The following ANKLE2 variants were observed in gnomAD, a reference collection of about 807,000 sequenced individuals.
ANKLE2 encodes the protein ankyrin repeat and LEM domain-containing protein 2.
In ANKLE2, 55 loss-of-function variants were observed where a neutral mutation model predicts 84.2. The observed-to-expected ratio is 0.65, with a 90% CI of 0.53 to 0.82. The LOEUF (loss-of-function observed/expected upper bound fraction) is 0.82. ANKLE2 is among the 40% of genes least tolerant of loss of function. The probability of loss-of-function intolerance (pLI) is 0.00; values close to 1 mark genes in which losing one functional copy is unlikely to be tolerated. For missense variants in ANKLE2, 1,238 were observed against 1,201.9 expected (o/e 1.03, Z -0.44); for synonymous variants, 551 against 486.1 (o/e 1.13, Z -1.76).
intron 9 of ANKLE2, 154 bp from the exon 10 acceptor site, chr12:132,734,729 C>A: frequency 1.3e-6 from 1 of 744,612 alleles, no homozygotes; most frequent in Non-Finnish European, 2.1e-6. Flanking sequence ...TGAAATCATA[C>A]GGTGCATTTT....
chr12:132,732,666 C>T (rs11147030), intron 10 of ANKLE2, among the ~76,000 whole-genome samples: 160 of 25,098 alleles, frequency 6.4e-3, no homozygotes, highest in South Asian at 0.019. Flanking sequence ...GTGTCTGATA[C>T]GCACCGTGTG....
intron 1 of ANKLE2, chr12:132,758,531 T>A (rs1428398274): frequency 6.6e-6 from 1 of 152,314 alleles, no homozygotes; most frequent in Non-Finnish European, 1.5e-5. Flanking sequence ...ATTAACAATT[T>A]TTTTTTTTTT....
intron 3 of ANKLE2, chr12:132,748,878 T>C (rs1043354021): frequency 6.7e-6 from 1 of 150,282 alleles, no homozygotes; most frequent in African/African-American, 2.4e-5. Flanking sequence ...TATATATATA[T>C]ATATACACAC....
intron 3 of ANKLE2, 72 bp downstream of exon 3, chr12:132,750,571 G>A (rs1024906869): frequency 6.5e-7 from 1 of 1,544,724 alleles, no homozygotes; most frequent in African/African-American, 1.4e-5. Flanking sequence ...CCACATCAGA[G>A]GAAAGAAGGC....
chr12:132,747,462 T>C (rs1019274158), intron 5 of ANKLE2, among the ~76,000 whole-genome samples: 1 of 152,330 alleles, frequency 6.6e-6, no homozygotes, highest in Non-Finnish European at 1.5e-5. Flanking sequence ...TCAGTGGCTC[T>C]TGGTAGGACA....
rs748625524 is a variant in ANKLE2, at chr12:132,743,505, ATTT to A, written c.1231-232_1231-230del. ...CAGGCACCCGCCACCACACCCAGCT[ATTT>A]TTTTTTTTTTTTTAATATTTAGTAG... On this transcript the variant is annotated intron_variant, in intron 5 of 12. Coordinates refer to ENST00000357997, the MANE Select transcript of ANKLE2 (RefSeq NM_015114.3). The surrounding 1 kb of genome is among the most constrained non-coding windows in gnomAD (Gnocchi z 4.1). Among the ~76,000 whole-genome samples, 1 of 132,838 alleles carries A rather than the reference ATTT, an allele frequency of 7.5e-6. No homozygotes were observed. Among genetic ancestry groups the A allele is most frequent in the Non-Finnish European group, 1.6e-5 (1 of 61,110 alleles). 87.1% of individuals were successfully genotyped at this position (132,838 alleles called of 152,430 possible). A position where few individuals can be genotyped will look rare whatever the true frequency, so the allele number is the denominator to read the frequency against.
At chr12:132,755,534 A>T (rs1345339273) in intron 1 of ANKLE2, 1 of 154,368 alleles carries the variant, frequency 6.5e-6, no homozygotes, top group African/African-American at 2.4e-5. Flanking sequence ...AACAAGAGCG[A>T]AACTCCAGCT....
intron 8 of ANKLE2, among the ~76,000 whole-genome samples, chr12:132,735,962 T>C (rs149763457): frequency 1.3e-5 from 2 of 152,356 alleles, no homozygotes; most frequent in Non-Finnish European, 2.9e-5. Flanking sequence ...ATTTTCTTTT[T>C]TGTTTTGGAG....
At chr12:132,733,177 T>C (rs1443950780) in intron 10 of ANKLE2, among the ~76,000 whole-genome samples, 2 of 148,946 alleles carry the variant, frequency 1.3e-5, no homozygotes, top group Non-Finnish European at 3.0e-5. Flanking sequence ...TGAAGCTCTC[T>C]GCGTGCTGGT....
At chr12:132,744,312 C>T (rs1336700307) in intron 5 of ANKLE2, among the ~76,000 whole-genome samples, 3 of 152,224 alleles carry the variant, frequency 2.0e-5, no homozygotes, top group Non-Finnish European at 4.4e-5. Context: ...AATTCATTTA[C>T]ACCTAGCACA....
Position 132,726,937 on chromosome 12 carries a change from C to A in ANKLE2, c.*305G>T. 2.6e-6 allele frequency: 1 copy of A among 379,690 alleles called. No homozygotes were observed. Among genetic ancestry groups the A allele is most frequent in the Non-Finnish European group, 4.8e-6 (1 of 209,858 alleles). The allele number at this position is 379,690 out of a possible 1,614,324, so 23.5% of individuals were successfully genotyped here. A position where few individuals can be genotyped will look rare whatever the true frequency, so the allele number is the denominator to read the frequency against. On this transcript the variant is annotated 3_prime_UTR_variant, in exon 13 of 13. Transcript: ENST00000357997. ...GTACAGGGCTGCCTGCCTGCAACTG[C>A]CTCAGCGCCCTTTCCTCTGCTATAT... is the stretch of plus-strand genomic sequence containing the variant.
At chr12:132,737,134 A>G in intron 7 of ANKLE2, 69 bp from the exon 8 acceptor site, 1 of 1,495,576 alleles carries the variant, frequency 6.7e-7, no homozygotes, top group Non-Finnish European at 8.9e-7. Context: ...GGTGAGCAGG[A>G]CGGGGATCAC....
chr12:132,741,598 G>T, intron 6 of ANKLE2, 113 bp from the exon 7 acceptor site: 1 of 1,010,620 alleles, frequency 9.9e-7, no homozygotes, highest in Non-Finnish European at 1.5e-6. Flanking sequence ...GTATCTTAAT[G>T]CTAAAGATTT....
chr12:132,741,289 G>A lies in ANKLE2; in HGVS notation c.1420+130C>T, dbSNP rs567273785. 1.3e-5 allele frequency: 11 copies of A among 836,748 alleles called. No individual in the cohort carries two copies. The South Asian group carries it at 1.5e-4, about 11-fold the overall frequency. The allele number at this position is 836,748 out of a possible 1,614,324, so 51.8% of individuals were successfully genotyped here. A position where few individuals can be genotyped will look rare whatever the true frequency, so the allele number is the denominator to read the frequency against. On this transcript the variant is annotated intron_variant, in intron 7 of 12. Coordinates refer to ENST00000357997, the MANE Select transcript of ANKLE2 (RefSeq NM_015114.3). ...CAGGAGAAGAAAGGATGATCCCGAG[G>A]AGAGGCTTCCGAGGGGAGCCGGCAC...
intron 2 of ANKLE2, among the ~76,000 whole-genome samples, chr12:132,751,504 G>C (rs979156035): frequency 2.0e-5 from 3 of 151,964 alleles, no homozygotes; most frequent in Non-Finnish European, 2.9e-5. Context: ...GCCTCCCAGA[G>C]TGCTGGGATT....
In ANKLE2 at chr12:132,727,301, G is replaced by A. The variant is rs1202403933; in HGVS notation, c.2758C>T (p.Pro920Ser). Residue 920 changes from proline (P) to serine (S), a missense_variant, in exon 13 of 13, where the codon CCC becomes TCC. Pro to Ser is a moderately conservative substitution (Grantham distance 74). This residue lies in a region of ANKLE2 where 802 missense variants were observed against 774.5 expected (regional missense o/e 1.04). Coordinates refer to ENST00000357997, the MANE Select transcript of ANKLE2 (RefSeq NM_015114.3). ...CTGCGGAGCTGGCTCCCGTGCACGG[G>A]GCTGTAGCGCCCAGGACTGCCCAGG... ...PGLGSPGRYS[P>S]VHGSQLRRMA... The A allele has an allele frequency of 6.4e-7, 1 of 1,565,738 alleles. No homozygotes were observed. Among genetic ancestry groups the A allele is most frequent in the South Asian group, 1.2e-5 (1 of 84,964 alleles).
At chr12:132,738,718 G>T (rs1358474720) in intron 7 of ANKLE2, 1 of 151,998 alleles carries the variant, frequency 6.6e-6, no homozygotes, top group Admixed American at 6.6e-5. Flanking sequence ...TAGAGACGGG[G>T]TTTCACCGTG....
In ANKLE2 at chr12:132,743,106, T is replaced by A; in HGVS notation, c.1353+48A>T. 1.3e-6 allele frequency: 2 copies of A among 1,520,966 alleles called. No homozygotes were observed. The highest frequency in any genetic ancestry group is 1.8e-6 in the Non-Finnish European group (2 of 1,125,932). 94.2% of individuals were successfully genotyped at this position (1,520,966 alleles called of 1,614,324 possible). On this transcript the variant is annotated intron_variant, in intron 6 of 12. Coordinates refer to ENST00000357997, the MANE Select transcript of ANKLE2 (RefSeq NM_015114.3). This position sits in a 1 kb window ranked among gnomAD's most constrained non-coding sequence, Gnocchi z 4.1. ...TGATCACAGACTGTAAATTTATATA[T>A]TTCCATTTCTAACTCTAGATAGCAA...
intron 10 of ANKLE2, chr12:132,732,138 T>C (rs74892540): frequency 0.017 from 2,179 of 126,748 alleles, 43 homozygotes; most frequent in South Asian, 0.032. Context: ...GTGTCTGATA[T>C]ACACCGTGTG....
Sources: allele counts gnomAD v4.1 joint callset (sites outside exome capture counted in the v4.1 genomes callset), GRCh38; gene constraint gnomAD v4.1.1; regional missense constraint gnomAD v4.1.1; non-coding constraint Gnocchi (gnomAD v3.1); transcripts MANE v1.5; gene names NCBI Gene and HGNC (gene_info 2026-07-23, HGNC 2026-07-21).